The following ADGRB3 variants were observed in gnomAD, a reference collection of about 807,000 sequenced individuals.
ADGRB3 encodes the protein adhesion G protein-coupled receptor B3.
Under a neutral mutation model 193.4 loss-of-function variants are expected in ADGRB3, and 37 were observed. That is an observed-to-expected ratio of 0.19 (90% confidence interval 0.15 to 0.25). The LOEUF is 0.25. ADGRB3 is among the 10% of genes least tolerant of loss of function. The pLI is 1.00. For missense variants in ADGRB3, 1,637 were observed against 1,852.9 expected (o/e 0.88, Z 2.14); for synonymous variants, 690 against 644.2 (o/e 1.07, Z -1.08).
chr6:69,360,801 CATAATAT>C, intron 28 of ADGRB3, 61 bp from the exon 29 acceptor site: 1 of 1,435,010 alleles, frequency 7.0e-7, no homozygotes, highest in Non-Finnish European at 9.4e-7. Flanking sequence ...AGCGAGACAA[CATAATAT>C]AATAATGAAA....
At chr6:69,276,292 G>A (rs1351428712) in intron 20 of ADGRB3, among the ~76,000 whole-genome samples, 2 of 152,188 alleles carry the variant, frequency 1.3e-5, no homozygotes, top group African/African-American at 2.4e-5. Context: ...ATGACATTTA[G>A]TATCCAGATA....
intron 20 of ADGRB3, among the ~76,000 whole-genome samples, chr6:69,300,893 A>G (rs1021240200): frequency 1.5e-4 from 23 of 151,798 alleles, no homozygotes; most frequent in African/African-American, 5.3e-4. Context: ...AAGTGATAAG[A>G]TCCTTGAGAA....
chr6:69,350,519 A>G (rs1050649455), intron 26 of ADGRB3, among the ~76,000 whole-genome samples: 3 of 152,092 alleles, frequency 2.0e-5, no homozygotes, highest in African/African-American at 7.2e-5. Flanking sequence ...ATTGTTTCCT[A>G]TAGGTTTAGT....
intron 23 of ADGRB3, chr6:69,332,494 A>T: frequency 1.0e-6 from 1 of 985,422 alleles, no homozygotes; most frequent in Non-Finnish European, 1.2e-6. Flanking sequence ...ATGACAAATC[A>T]TCAGCACCTT....
In ADGRB3 at chr6:69,185,489, G is replaced by A. The variant is rs568459274; in HGVS notation, c.2481-47801G>A. Among the ~76,000 whole-genome samples, 8 of 152,208 alleles carry A rather than the reference G, an allele frequency of 5.3e-5. No homozygotes were observed. In the East Asian group the frequency reaches 7.7e-4, roughly 15 times the overall value. On this transcript the variant is annotated intron_variant, in intron 17 of 31. Transcript: ENST00000370598. ...TTTTCAGCACAGAACAGAACATGGC[G>A]TATTGGTACAAGTATCAGAGTACTC...
At chr6:69,276,292 G>C (rs1351428712) in intron 20 of ADGRB3, among the ~76,000 whole-genome samples, 1 of 152,188 alleles carries the variant, frequency 6.6e-6, no homozygotes, top group Non-Finnish European at 1.5e-5. Context: ...ATGACATTTA[G>C]TATCCAGATA....
At chr6:69,100,825 AGAAG>A (rs1280498014) in intron 17 of ADGRB3, among the ~76,000 whole-genome samples, 46 of 16,162 alleles carry the variant, frequency 2.8e-3, no homozygotes, top group Middle Eastern at 0.019. Flanking sequence ...AAGGAAGGAA[AGAAG>A]GAAGGAAGGA....
At chr6:68,762,622 G>A (rs924945202) in intron 3 of ADGRB3, among the ~76,000 whole-genome samples, 10 of 151,954 alleles carry the variant, frequency 6.6e-5, no homozygotes, top group Admixed American at 2.6e-4. Context: ...AATAAAATAA[G>A]TCATAAACAT....
chr6:68,893,782 T>G (rs1443588990), intron 3 of ADGRB3, among the ~76,000 whole-genome samples: 1 of 151,932 alleles, frequency 6.6e-6, no homozygotes, highest in Admixed American at 6.6e-5. Flanking sequence ...CAATATATAG[T>G]TTTTGTAAAT....
intron 17 of ADGRB3, among the ~76,000 whole-genome samples, chr6:69,206,045 G>GTATATATATA (rs56741913): frequency 0.024 from 2,425 of 99,610 alleles, 79 homozygotes; most frequent in East Asian, 0.027. Flanking sequence ...TATAATAATG[G>GTATATATATA]TATATATATA....
chr6:68,826,044 T>G (rs1767837808), intron 3 of ADGRB3, among the ~76,000 whole-genome samples: 1 of 152,152 alleles, frequency 6.6e-6, no homozygotes, highest in South Asian at 2.1e-4. Flanking sequence ...TGCATTTCTT[T>G]ATATATTCAG....
At chr6:69,289,038 A>G (rs553002536) in intron 20 of ADGRB3, among the ~76,000 whole-genome samples, 2 of 152,110 alleles carry the variant, frequency 1.3e-5, no homozygotes, top group Non-Finnish European at 2.9e-5. Context: ...AAAGATAGCT[A>G]ATGAAATAAT....
chr6:68,671,124 A>C (rs1768945910), intron 3 of ADGRB3, among the ~76,000 whole-genome samples: 1 of 151,942 alleles, frequency 6.6e-6, no homozygotes, highest in East Asian at 1.9e-4. Flanking sequence ...CTGCATCTTT[A>C]CTGAATTTTT....
At position 69,138,709 on chromosome 6, in the gene ADGRB3, T is replaced by A. The variant is rs1411109788; in HGVS notation, c.2480+62671T>A. Among the ~76,000 whole-genome samples, 4 of 152,270 alleles carry A rather than the reference T, an allele frequency of 2.6e-5. No homozygotes were observed. The South Asian group carries it at 8.3e-4, about 32-fold the overall frequency. On this transcript the variant is annotated intron_variant, in intron 17 of 31. Coordinates refer to ENST00000370598, the MANE Select transcript of ADGRB3 (RefSeq NM_001704.3). ...AATTAATGAGATTTACAATATTAAGTTTATAAAATGCTAGGTTAATGAATT... is the reference window on the plus strand; with the variant it reads ...AATTAATGAGATTTACAATATTAAGATTATAAAATGCTAGGTTAATGAATT...
chr6:69,223,300 C>T (rs970565826), intron 17 of ADGRB3, among the ~76,000 whole-genome samples: 4 of 152,152 alleles, frequency 2.6e-5, no homozygotes, highest in Admixed American at 2.0e-4. Context: ...ACTAAAGACT[C>T]TGATATCAAA....
At chr6:68,945,947 G>C (rs1012269690) in intron 6 of ADGRB3, among the ~76,000 whole-genome samples, 2 of 152,032 alleles carry the variant, frequency 1.3e-5, no homozygotes, top group Non-Finnish European at 2.9e-5. Context: ...AAAATCAGAT[G>C]GCTTTCTTTC....
At chr6:69,040,340 T>C (rs531976395) in intron 13 of ADGRB3, among the ~76,000 whole-genome samples, 1 of 50,254 alleles carries the variant, frequency 2.0e-5, no homozygotes, top group Admixed American at 3.0e-4. Flanking sequence ...TTTCTTTCTT[T>C]CTTTCTTTCT....
chr6:69,380,498 A>G (rs1302203580), intron 30 of ADGRB3, among the ~76,000 whole-genome samples: 4 of 151,980 alleles, frequency 2.6e-5, no homozygotes, highest in Admixed American at 1.3e-4. Context: ...CTTGAAAAGG[A>G]AAGATCCCAT....
At chr6:69,199,760 C>T (rs1765380531) in intron 17 of ADGRB3, among the ~76,000 whole-genome samples, 1 of 152,036 alleles carries the variant, frequency 6.6e-6, no homozygotes, top group Non-Finnish European at 1.5e-5. Flanking sequence ...AGCTCAGCTA[C>T]CTGCTTTATG....
Sources: allele counts gnomAD v4.1 joint callset (sites outside exome capture counted in the v4.1 genomes callset), GRCh38; gene constraint gnomAD v4.1.1; transcripts MANE v1.5; gene names NCBI Gene and HGNC (gene_info 2026-07-23, HGNC 2026-07-21).